The following FXR1 variants were observed in gnomAD, a reference collection of about 807,000 sequenced individuals.
FXR1 encodes the protein FMR1 autosomal homolog 1, also known as RNA-binding protein FXR1.
FXR1 carries 15 observed loss-of-function variants against 84.0 expected under a neutral mutation model. That is an observed-to-expected ratio of 0.18 (90% CI 0.12 to 0.27). FXR1 has a LOEUF of 0.27. Among genes scored for constraint, FXR1 ranks in the 10% least tolerant of loss-of-function variants. The pLI is 1.00. For synonymous variants in FXR1, 245 were observed against 250.7 expected, an observed-to-expected ratio of 0.98 and a Z score of 0.21; for missense variants, 480 against 774.4, an observed-to-expected ratio of 0.62 and a Z score of 4.51.
At position 180,963,070 on chromosome 3, in the gene FXR1, C is replaced by G. The variant is rs756027612; in HGVS notation, c.1178C>G (p.Pro393Arg). 4.5e-6 allele frequency: 7 copies of G among 1,554,180 alleles called. No homozygotes were observed. Among genetic ancestry groups the G allele is most frequent in the Admixed American group, 1.7e-5 (1 of 58,604 alleles). ...YSGRGRGRRG[P>R]NYTSGYGTNS... ...GGAAGAGGCAGAGGTCGTCGGGGAC[C>G]TAATTACACCTCCGGTTATGGTAAA... The change falls in exon 13 of 17, where the codon CCT (proline) becomes CGT (arginine). Residue 393 changes from proline to arginine, a missense_variant. Physicochemically the swap from Pro to Arg is moderately radical, Grantham distance 103. This residue lies in a region of FXR1 where 157 missense variants were observed against 227.8 expected (regional missense o/e 0.69). Coordinates refer to ENST00000357559, the MANE Select transcript of FXR1 (RefSeq NM_005087.4).
intron 1 of FXR1, among the ~76,000 whole-genome samples, chr3:180,917,274 A>G (rs374648265): frequency 6.6e-6 from 1 of 152,032 alleles, no homozygotes; most frequent in Admixed American, 6.5e-5. Flanking sequence ...TAAATTATGC[A>G]TAGATATATT....
rs1722676690 is a variant in FXR1 at position 180,955,661 on chromosome 3, C to CT, written c.880+1823dup. Among the ~76,000 whole-genome samples, 3 of 152,170 alleles carry CT rather than the reference C, an allele frequency of 2.0e-5. No individual in the cohort carries two copies. In the South Asian group the frequency reaches 6.2e-4, roughly 32 times the overall value. On this transcript the variant is annotated intron_variant, in intron 9 of 16. Transcript: ENST00000357559. ...TTTTGACTTAACTAAGGTTTCCTCA[C>CT]TTGTAAAAATGATTTGGCAGTGGGT...
At chr3:180,964,576 T>TA (rs1233887811) in intron 13 of FXR1, among the ~76,000 whole-genome samples, 1 of 151,734 alleles carries the variant, frequency 6.6e-6, no homozygotes, top group Non-Finnish European at 1.5e-5. Context: ...TTGAAATAGT[T>TA]ACTGAACCTG....
In FXR1 at chr3:180,979,690, A is replaced by G. The variant is rs566676498; in HGVS notation, c.*3398A>G. 4 of 152,236 alleles carry G rather than the reference A, an allele frequency of 2.6e-5. No homozygotes were observed. Among genetic ancestry groups the G allele is most frequent in the South Asian group, 2.1e-4 (1 of 4,830 alleles). The allele number at this position is 152,236 out of a possible 1,614,324, so 9.4% of individuals were successfully genotyped here. On this transcript the variant is annotated 3_prime_UTR_variant, in exon 17 of 17. Coordinates refer to ENST00000357559, the MANE Select transcript of FXR1 (RefSeq NM_005087.4). The stretch of plus-strand genomic sequence containing the variant: ...AATAAAGCAGTAACTGCAATCTGCT[A>G]AAGTCAGACTGTTAGCAAGTGGTGT...
chr3:180,974,632 T>C (rs2108498506), intron 15 of FXR1, among the ~76,000 whole-genome samples: 1 of 152,248 alleles, frequency 6.6e-6, no homozygotes, highest in East Asian at 1.9e-4. Context: ...CTACCAAGAT[T>C]GGCAAAGGGG....
chr3:180,960,772 C>G (rs1446081060), intron 10 of FXR1, among the ~76,000 whole-genome samples: 3 of 152,062 alleles, frequency 2.0e-5, no homozygotes, highest in Non-Finnish European at 4.4e-5. Context: ...GCCAGAAAAT[C>G]ATTTTAACTT....
intron 3 of FXR1, among the ~76,000 whole-genome samples, chr3:180,941,406 G>A (rs770884187): frequency 6.6e-6 from 1 of 151,914 alleles, no homozygotes; most frequent in Non-Finnish European, 1.5e-5. Flanking sequence ...GTGCCCAAGC[G>A]AGTCTTGAAC....
chr3:180,933,248 C>T (rs1720142037), intron 1 of FXR1, 86 bp from the exon 2 acceptor site: 5 of 769,182 alleles, frequency 6.5e-6, no homozygotes, highest in Admixed American at 2.2e-5. Flanking sequence ...TTTTAGTACT[C>T]CCTATTATCT....
intron 7 of FXR1, among the ~76,000 whole-genome samples, chr3:180,950,905 C>T (rs1326621595): frequency 1.3e-5 from 2 of 152,018 alleles, no homozygotes; most frequent in Non-Finnish European, 2.9e-5. Context: ...ATGCTATGAA[C>T]ATGGATTTGC....
At chr3:180,954,846 AAAAT>A (rs978376095) in intron 9 of FXR1, among the ~76,000 whole-genome samples, 3 of 151,226 alleles carry the variant, frequency 2.0e-5, no homozygotes, top group Non-Finnish European at 4.4e-5. Flanking sequence ...CGTTAATAGA[AAAAT>A]AAATACTTCC....
chr3:180,962,835 CA>C, intron 11 of FXR1, 47 bp from the exon 12 acceptor site: 1 of 1,351,664 alleles, frequency 7.4e-7, no homozygotes, highest in Non-Finnish European at 1.0e-6. Flanking sequence ...TTTAGGAAAA[CA>C]AAAAGTTATA....
intron 2 of FXR1, among the ~76,000 whole-genome samples, chr3:180,933,939 G>T (rs1001039320): frequency 2.6e-5 from 4 of 151,800 alleles, no homozygotes; most frequent in African/African-American, 9.7e-5. Flanking sequence ...GTGAAACCCT[G>T]TCTCTACTAA....
chr3:180,952,180 A>G (rs1276897038), intron 8 of FXR1, among the ~76,000 whole-genome samples: 2 of 152,026 alleles, frequency 1.3e-5, no homozygotes, highest in East Asian at 3.9e-4. Flanking sequence ...CTTGTCTCGA[A>G]CTCCTGAGCT....
At chr3:180,943,433 A>T (rs1559995117) in intron 3 of FXR1, among the ~76,000 whole-genome samples, 1 of 150,330 alleles carries the variant, frequency 6.7e-6, no homozygotes, top group Non-Finnish European at 1.5e-5. Flanking sequence ...TGCCCAGCTA[A>T]TTTTTGTACT....
chr3:180,963,840 G>C (rs1712450492), intron 13 of FXR1, among the ~76,000 whole-genome samples: 1 of 152,032 alleles, frequency 6.6e-6, no homozygotes, highest in Non-Finnish European at 1.5e-5. Context: ...TTTGGACTTG[G>C]ATCTTAGCAG....
chr3:180,925,159 G>A (rs540701168), intron 1 of FXR1, among the ~76,000 whole-genome samples: 298 of 152,020 alleles, frequency 2.0e-3, no homozygotes, highest in Middle Eastern at 6.8e-3. Context: ...TCAGGAGTTC[G>A]AGACCAGCCT....
rs1313345957 is a variant in FXR1, at chr3:180,979,047, G to A, written c.*2755G>A. ...ATTAGAAGCAGCACATCAAACTGGT[G>A]AGTTCACAGAAACTTACCTGAGATG... On this transcript the variant is annotated 3_prime_UTR_variant, in exon 17 of 17. Transcript: ENST00000357559. 1.3e-5 allele frequency: 2 copies of A among 152,098 alleles called. No individual in the cohort carries two copies. The highest frequency in any genetic ancestry group is 2.9e-5 in the Non-Finnish European group (2 of 67,962). 9.4% of individuals were successfully genotyped at this position (152,098 alleles called of 1,614,324 possible).
At chr3:180,965,171 C>T (rs1712660811) in intron 13 of FXR1, among the ~76,000 whole-genome samples, 1 of 152,012 alleles carries the variant, frequency 6.6e-6, no homozygotes, top group Non-Finnish European at 1.5e-5. Flanking sequence ...CATGCACCAC[C>T]ATGCCTGACT....
intron 3 of FXR1, among the ~76,000 whole-genome samples, chr3:180,939,500 T>C (rs1400429567): frequency 6.6e-6 from 1 of 152,122 alleles, no homozygotes; most frequent in Non-Finnish European, 1.5e-5. Flanking sequence ...TGAGGCAAGG[T>C]CGGGGTGAGG....
Sources: gnomAD v4.1 joint callset for allele counts (sites outside exome capture counted in the v4.1 genomes callset) on GRCh38, gnomAD v4.1.1 for gene constraint, gnomAD v4.1.1 regional missense constraint, MANE v1.5 for transcripts, NCBI Gene and HGNC (gene_info 2026-07-23, HGNC 2026-07-21) for gene names.